Variants in INO80 observed in about 807,000 individuals in gnomAD.
The protein encoded by INO80 is chromatin-remodeling ATPase INO80.
In INO80, 20 loss-of-function variants were observed where a neutral mutation model predicts 203.4. That is an observed-to-expected ratio of 0.10 (90% CI 0.07 to 0.14). INO80 has a LOEUF of 0.14. Among genes scored for constraint, INO80 ranks in the 10% least tolerant of loss-of-function variants. The pLI is 1.00. For synonymous variants in INO80, 726 were observed against 685.2 expected (o/e 1.06, Z -0.93); for missense variants, 1,419 against 1,914.4 (o/e 0.74, Z 4.83).
intron 1 of INO80, among the ~76,000 whole-genome samples, chr15:41,114,721 A>C (rs2140726629): frequency 6.6e-6 from 1 of 152,288 alleles, no homozygotes; most frequent in African/African-American, 2.4e-5. Context: ...AAAAAAAAAA[A>C]AAAAGGAATT....
Position 41,073,511 on chromosome 15 carries a change from T to G in INO80, c.1328-16A>C. ...TGGTTACTATCTGAAAAGCAAAATT[T>G]ATGGATTATCACACTTTATCAACTG... is the stretch of plus-strand genomic sequence containing the variant. On this transcript the variant is annotated splice_polypyrimidine_tract_variant and intron_variant, in intron 10 of 35. Coordinates refer to ENST00000648947, the MANE Select transcript of INO80 (RefSeq NM_017553.3). 6.3e-7 allele frequency: 1 copy of G among 1,599,460 alleles called. No individual in the cohort carries two copies. Among genetic ancestry groups the G allele is most frequent in the Non-Finnish European group, 8.6e-7 (1 of 1,166,572 alleles).
In INO80 at chr15:41,020,937, G is replaced by C. The variant is rs776489171; in HGVS notation, c.3237C>G (p.Ile1079Met). The change falls in exon 26 of 36, where the codon ATC becomes ATG. Residue 1079 changes from isoleucine (I) to methionine (M), a missense_variant. By Grantham distance (10) the Ile-to-Met change is conservative. This residue lies in a region of INO80 where 302 missense variants were observed against 345.4 expected (regional missense o/e 0.87). Coordinates refer to ENST00000648947, the MANE Select transcript of INO80 (RefSeq NM_017553.3). ...TGAAAGACCAGCCATTCTGAGGTCT[G>C]ATGCTCCACAGACCTCCAGCTGGCT... ...FPEPAGGLWS[I>M]RPQNGWSFIR... 6.2e-7 allele frequency: 1 copy of C among 1,613,848 alleles called. No homozygotes were observed. The highest frequency in any genetic ancestry group is 1.3e-5 in the African/African-American group (1 of 74,918).
chr15:41,075,006 G>C (rs898989696), intron 9 of INO80, among the ~76,000 whole-genome samples: 1 of 152,016 alleles, frequency 6.6e-6, no homozygotes, highest in African/African-American at 2.4e-5. Context: ...CAAAGTGCTG[G>C]GATTACAGGC....
chr15:41,040,953 C>T (rs1250791572), intron 24 of INO80, among the ~76,000 whole-genome samples: 1 of 152,054 alleles, frequency 6.6e-6, no homozygotes, highest in African/African-American at 2.4e-5. Flanking sequence ...ATCCAAATGG[C>T]CAATAAACAC....
rs2045339739 is a variant in INO80, at chr15:41,072,586, G to C, written c.1396-528C>G. Among the ~76,000 whole-genome samples, 3 of 147,618 alleles carry C rather than the reference G, an allele frequency of 2.0e-5. No homozygotes were observed. The Admixed American group carries it at 2.0e-4, about 10-fold the overall frequency. On this transcript the variant is annotated intron_variant, in intron 11 of 35. Transcript: ENST00000648947. ...TAAAAAAAATTAGCTGGGTGTGGTG[G>C]TGCGCACCTGTAGTCCCAGCTACTC...
intron 4 of INO80, among the ~76,000 whole-genome samples, chr15:41,095,192 T>G: frequency 6.6e-6 from 1 of 151,972 alleles, no homozygotes; most frequent in African/African-American, 2.4e-5. Flanking sequence ...TACAAAAAAA[T>G]TAGCTGGGCG....
chr15:41,036,550 TTAAGAG>T (rs2044579607), intron 24 of INO80, among the ~76,000 whole-genome samples: 1 of 152,272 alleles, frequency 6.6e-6, no homozygotes, highest in East Asian at 1.9e-4. Flanking sequence ...ATTTAAAATA[TTAAGAG>T]TAAAACTGTA....
chr15:40,983,103 G>GA (rs781084323), intron 34 of INO80, 26 bp from the exon 35 acceptor site: 208 of 1,512,084 alleles, frequency 1.4e-4, no homozygotes, highest in Admixed American at 7.5e-4. Flanking sequence ...GGCCAAAAGG[G>GA]AAAGAAAAAA....
chr15:41,057,543 T>C (rs541427151), intron 16 of INO80, among the ~76,000 whole-genome samples: 1 of 151,176 alleles, frequency 6.6e-6, no homozygotes, highest in South Asian at 2.1e-4. Flanking sequence ...ACGCCTGTAA[T>C]CCCAGCACTT....
intron 25 of INO80, 142 bp downstream of exon 25, chr15:41,027,454 C>T: frequency 1.4e-6 from 1 of 693,890 alleles, no homozygotes; most frequent in Non-Finnish European, 2.3e-6. Context: ...CACAAATGCC[C>T]ACATTTTAAA....
At chr15:41,009,354 G>C (rs2044099493) in intron 27 of INO80, among the ~76,000 whole-genome samples, 1 of 149,238 alleles carries the variant, frequency 6.7e-6, no homozygotes, top group Admixed American at 6.6e-5. Context: ...CTAGCATTAG[G>C]TATATCTCCC....
chr15:41,003,541 GC>G (rs2043995647), intron 28 of INO80, among the ~76,000 whole-genome samples: 1 of 151,910 alleles, frequency 6.6e-6, no homozygotes, highest in African/African-American at 2.4e-5. Context: ...TGTTGGCTGG[GC>G]TGGTCTCGAA....
rs184628660 is a variant in INO80, at chr15:41,049,230, C to T, written c.2576+57G>A. 5.6e-6 allele frequency: 8 copies of T among 1,434,214 alleles called. No homozygotes were observed. In the Admixed American group the frequency reaches 1.6e-4, roughly 29 times the overall value. 88.8% of individuals were successfully genotyped at this position (1,434,214 alleles called of 1,614,324 possible). A position where few individuals can be genotyped will look rare whatever the true frequency, so the allele number is the denominator to read the frequency against. On this transcript the variant is annotated intron_variant, in intron 21 of 35. Transcript: ENST00000648947. ...CTCTCCACTAAATTTATCTACTAAGCCATAAAACTGTAAATTATAAAACAC... is the reference window on the plus strand; with the variant it reads ...CTCTCCACTAAATTTATCTACTAAGTCATAAAACTGTAAATTATAAAACAC...
chr15:40,997,532 G>T lies in INO80; in HGVS notation c.3567C>A (p.Asp1189Glu). ...GGLGINLTAA[D>E]TVIFYDSDWN... ...TGATTGTGCTCTCATTACTTACTGT[G>T]TCTGCAGCAGTGAGATTGATACCCA... is the stretch of plus-strand genomic sequence containing the variant. Residue 1189 changes from aspartate (D) to glutamate (E), a missense_variant, in exon 29 of 36, where the codon GAC becomes GAA. Asp to Glu is a conservative substitution (Grantham distance 45). This residue lies in a region of INO80 where 65 missense variants were observed against 186.7 expected (regional missense o/e 0.35). Coordinates refer to ENST00000648947, the MANE Select transcript of INO80 (RefSeq NM_017553.3). The T allele has an allele frequency of 6.2e-7, 1 of 1,600,210 alleles. No homozygotes were observed. The highest frequency in any genetic ancestry group is 8.6e-7 in the Non-Finnish European group (1 of 1,167,426).
At chr15:41,086,286 G>T (rs546271075) in intron 6 of INO80, among the ~76,000 whole-genome samples, 1 of 152,246 alleles carries the variant, frequency 6.6e-6, no homozygotes, top group East Asian at 1.9e-4. Flanking sequence ...AAAGTGTGTG[G>T]AGGGTGAGAA....
At chr15:41,043,523 C>T (rs2044702957) in intron 24 of INO80, among the ~76,000 whole-genome samples, 1 of 152,162 alleles carries the variant, frequency 6.6e-6, no homozygotes, top group South Asian at 2.1e-4. Context: ...CTTAAGAAAC[C>T]AACTGGGAAA....
intron 4 of INO80, among the ~76,000 whole-genome samples, chr15:41,093,540 C>T (rs2045676355): frequency 6.6e-6 from 1 of 152,098 alleles, no homozygotes; most frequent in Non-Finnish European, 1.5e-5. Flanking sequence ...TTTGTAAATA[C>T]ACGAAAAACT....
At chr15:41,038,015 T>C (rs982110916) in intron 24 of INO80, among the ~76,000 whole-genome samples, 35 of 131,148 alleles carry the variant, frequency 2.7e-4, no homozygotes, top group Admixed American at 1.5e-3. Flanking sequence ...CCTTTTCTTT[T>C]TTTTTTTTTT....
At chr15:41,052,467 G>A (rs1217274910) in intron 19 of INO80, among the ~76,000 whole-genome samples, 1 of 151,828 alleles carries the variant, frequency 6.6e-6, no homozygotes, top group Non-Finnish European at 1.5e-5. Flanking sequence ...GAGTCCAGGA[G>A]TTCAAGACTA....
Sources: gnomAD v4.1 joint callset for allele counts (sites outside exome capture counted in the v4.1 genomes callset) on GRCh38, gnomAD v4.1.1 for gene constraint, gnomAD v4.1.1 regional missense constraint, MANE v1.5 for transcripts, NCBI Gene and HGNC (gene_info 2026-07-23, HGNC 2026-07-21) for gene names.